Variants in ZNF765 observed in about 807,000 individuals in gnomAD.
The protein encoded by ZNF765 is zinc finger protein 765.
In ZNF765, 37 loss-of-function variants were observed where a neutral mutation model predicts 44.7. The ratio of observed to expected loss-of-function variants is 0.83; its 90% CI spans 0.64 to 1.09. ZNF765 has a LOEUF of 1.09. Ranked by LOEUF, ZNF765 falls within the 50% of genes least tolerant of loss-of-function variation. The pLI, the probability that ZNF765 is intolerant of heterozygous loss-of-function variation, is 0.00. For missense variants in ZNF765, 594 were observed against 626.1 expected, an observed-to-expected ratio of 0.95 and a Z score of 0.55; for synonymous variants, 201 against 213.7, an observed-to-expected ratio of 0.94 and a Z score of 0.52.
chr19:53,395,998 GAA>G (rs55835959), intron 1 of ZNF765, among the ~76,000 whole-genome samples: 74,778 of 144,036 alleles, frequency 0.52, 20,052 homozygotes, highest in South Asian at 0.61. Context: ...AAATGTGGGG[GAA>G]AAAAAAAAAA....
intron 3 of ZNF765, among the ~76,000 whole-genome samples, chr19:53,422,638 G>C (rs190398562): frequency 1.3e-5 from 2 of 152,080 alleles, no homozygotes; most frequent in African/African-American, 4.8e-5. Context: ...GCAGTGGCGC[G>C]ATCTTGCCTC....
Position 53,400,763 on chromosome 19 carries a change from C to CATATATATATATATATAT in ZNF765, c.16-1298_16-1281dup, listed in dbSNP as rs35520888. Reference sequence around the variant, plus strand: ...CTGTGTAGGTTTCATTATTTGTTGACATATATATATATATATATATACACA... The same window carrying CATATATATATATATATAT: ...CTGTGTAGGTTTCATTATTTGTTGACATATATATATATATATATATATATATATATATATATATACACA... On this transcript the variant is annotated intron_variant, in intron 2 of 3. Transcript: ENST00000396408. 2.2e-3 allele frequency among the ~76,000 whole-genome samples: 255 copies of CATATATATATATATATAT among 116,736 alleles called. 6 individuals carry two copies. Among genetic ancestry groups the CATATATATATATATATAT allele is most frequent in the East Asian group, 0.015 (57 of 3,754 alleles). The allele number at this position is 116,736 out of a possible 152,430, so 76.6% of individuals were successfully genotyped here. A position where few individuals can be genotyped will look rare whatever the true frequency, so the allele number is the denominator to read the frequency against.
rs979765426 is a variant in ZNF765 at position 53,409,721 on chromosome 19, A to G, written c.*594A>G. 2 of 994,294 alleles carry G rather than the reference A, an allele frequency of 2.0e-6. No individual in the cohort carries two copies. Among genetic ancestry groups the G allele is most frequent in the African/African-American group, 3.2e-5 (2 of 62,740 alleles). 61.6% of individuals were successfully genotyped at this position (994,294 alleles called of 1,614,324 possible). On this transcript the variant is annotated 3_prime_UTR_variant, in exon 4 of 4. Coordinates refer to ENST00000396408, the MANE Select transcript of ZNF765 (RefSeq NM_001040185.3). ...TTACAAATGTAATGAGTGTGGCAAG[A>G]CCTTTAGTCAGAACTCATACCTTAC...
At chr19:53,405,903 C>CCATA (rs2085768367) in intron 3 of ZNF765, among the ~76,000 whole-genome samples, 1 of 49,170 alleles carries the variant, frequency 2.0e-5, no homozygotes, top group African/African-American at 5.9e-5. Flanking sequence ...TTAATACCAA[C>CCATA]TATATATATA....
At chr19:53,412,907 C>G (rs751384990), downstream of ZNF765, among the ~76,000 whole-genome samples, 1 of 151,826 alleles carries the variant, frequency 6.6e-6, no homozygotes, top group Non-Finnish European at 1.5e-5. Context: ...GTCAGGAGTT[C>G]GAGAACAGGC....
At chr19:53,417,591 C>T (rs1469114987) in intron 3 of ZNF765, among the ~76,000 whole-genome samples, 3 of 152,188 alleles carry the variant, frequency 2.0e-5, no homozygotes, top group Non-Finnish European at 2.9e-5. Flanking sequence ...CGAACATACA[C>T]GTGCATGCGT....
At chr19:53,395,394 G>C (rs1397700309) in intron 1 of ZNF765, among the ~76,000 whole-genome samples, 2 of 152,228 alleles carry the variant, frequency 1.3e-5, no homozygotes, top group Admixed American at 1.3e-4. Flanking sequence ...CGTCCCGGGT[G>C]TTTCTGCTAT....
downstream of ZNF765, among the ~76,000 whole-genome samples, chr19:53,412,675 C>T (rs1359276834): frequency 6.6e-6 from 1 of 152,032 alleles, no homozygotes; most frequent in African/African-American, 2.4e-5. Flanking sequence ...GCAGTGTCAC[C>T]ACACCCTGCT....
Position 53,409,559 on chromosome 19 carries a change from C to T in ZNF765, c.*432C>T. On this transcript the variant is annotated 3_prime_UTR_variant, in exon 4 of 4. Transcript: ENST00000396408. ...TACAAATGTGAAGAATTTGAGTTTT[C>T]CATTTCAAATCAAACCTTGAAAGAC... 2 of 1,292,172 alleles carry T rather than the reference C, an allele frequency of 1.5e-6. No individual in the cohort carries two copies. The highest frequency in any genetic ancestry group is 1.2e-5 in the South Asian group (1 of 84,410). 80.0% of individuals were successfully genotyped at this position (1,292,172 alleles called of 1,614,324 possible). A position where few individuals can be genotyped will look rare whatever the true frequency, so the allele number is the denominator to read the frequency against.
intron 2 of ZNF765, among the ~76,000 whole-genome samples, chr19:53,401,351 C>T (rs2085723618): frequency 6.6e-6 from 1 of 151,924 alleles, no homozygotes; most frequent in Non-Finnish European, 1.5e-5. Flanking sequence ...ATCACGAGAT[C>T]AGGAGATCAA....
intron 1 of ZNF765, among the ~76,000 whole-genome samples, chr19:53,397,257 A>G (rs1056582247): frequency 6.6e-6 from 1 of 152,222 alleles, no homozygotes; most frequent in African/African-American, 2.4e-5. Context: ...TCGAAAGCTA[A>G]TCTATTTTGG....
At chr19:53,400,505 A>G (rs1196962177) in intron 2 of ZNF765, among the ~76,000 whole-genome samples, 1 of 152,046 alleles carries the variant, frequency 6.6e-6, no homozygotes, top group Non-Finnish European at 1.5e-5. Flanking sequence ...CCAACTGCCA[A>G]TGTATCCTTT....
chr19:53,407,719 T>C lies in ZNF765; in HGVS notation c.164T>C (p.Met55Thr), dbSNP rs781686692. The C allele has an allele frequency of 3.8e-6, 6 of 1,560,128 alleles. No individual in the cohort carries two copies. The East Asian group carries it at 1.1e-4, about 29-fold the overall frequency. ...TTAGATATCTCTTCCAAATGCATGA[T>C]GAAGGAGTTCTCGTCAACAGCACAA... ...VSLDISSKCM[M>T]KEFSSTAQGN... The change falls in exon 4 of 4, where the codon ATG becomes ACG. Residue 55 changes from methionine (M) to threonine (T), a missense_variant. Around this residue, in one of 2 missense-constraint regions of ZNF765, gnomAD observed 567 missense variants for 572.6 expected, o/e 0.99. Transcript: ENST00000396408.
At chr19:53,399,080 CTTT>C (rs1379799153) in intron 2 of ZNF765, among the ~76,000 whole-genome samples, 8 of 151,248 alleles carry the variant, frequency 5.3e-5, no homozygotes, top group Non-Finnish European at 1.2e-4. Context: ...ATATATTTTT[CTTT>C]TTTTTAAAAT....
At chr19:53,403,595 G>A (rs2085748318) in intron 3 of ZNF765, among the ~76,000 whole-genome samples, 1 of 152,220 alleles carries the variant, frequency 6.6e-6, no homozygotes, top group Admixed American at 6.5e-5. Context: ...TGTAATCCCA[G>A]CACTTCGGGA....
intron 2 of ZNF765, 125 bp from the exon 3 acceptor site, chr19:53,401,940 T>C: frequency 6.2e-7 from 1 of 1,602,618 alleles, no homozygotes; most frequent in South Asian, 1.1e-5. Context: ...AAAAATCCCT[T>C]ACTCAGATTT....
chr19:53,402,248 CTTTTTTTTTTTT>C (rs72582439), intron 3 of ZNF765, 57 bp downstream of exon 3: 52 of 1,260,552 alleles, frequency 4.1e-5, no homozygotes, highest in Admixed American at 9.3e-5. Context: ...ATTTTCTCTC[CTTTTTTTTTTTT>C]TTTTTTTTTT....
intron 2 of ZNF765, among the ~76,000 whole-genome samples, chr19:53,399,860 G>C (rs1460161195): frequency 1.3e-5 from 2 of 151,940 alleles, no homozygotes; most frequent in African/African-American, 4.8e-5. Flanking sequence ...TTTTGTCCAG[G>C]CTGGAGCATA....
At chr19:53,402,756 G>T (rs2085740013) in intron 3 of ZNF765, among the ~76,000 whole-genome samples, 1 of 152,058 alleles carries the variant, frequency 6.6e-6, no homozygotes, top group South Asian at 2.1e-4. Context: ...TCCAGACAGG[G>T]TCTTGCTGTG....
Sources: gnomAD v4.1 joint callset for allele counts (sites outside exome capture counted in the v4.1 genomes callset) on GRCh38, gnomAD v4.1.1 for gene constraint, gnomAD v4.1.1 regional missense constraint, MANE v1.5 for transcripts, NCBI Gene and HGNC (gene_info 2026-07-23, HGNC 2026-07-21) for gene names.